Variants in MARCHF5 observed in about 807,000 individuals in gnomAD.
MARCHF5 encodes the protein E3 ubiquitin-protein ligase MARCHF5.
MARCHF5 carries 5 observed loss-of-function variants against 36.5 expected under a neutral mutation model. The ratio of observed to expected loss-of-function variants is 0.14; its 90% CI spans 0.07 to 0.29. The LOEUF (loss-of-function observed/expected upper bound fraction) is 0.29. Among genes scored for constraint, MARCHF5 ranks in the 10% least tolerant of loss-of-function variants. The pLI is 1.00. For synonymous variants in MARCHF5, 103 were observed against 109.9 expected, an observed-to-expected ratio of 0.94 and a Z score of 0.39; for missense variants, 179 against 336.3, an observed-to-expected ratio of 0.53 and a Z score of 3.66.
At chr10:92,349,632 G>A in intron 4 of MARCHF5, 39 bp from the exon 5 acceptor site, 4 of 1,603,922 alleles carry the variant, frequency 2.5e-6, no homozygotes, top group Non-Finnish European at 3.4e-6. Flanking sequence ...TAACTCTTCT[G>A]ATTTATTAGC....
In MARCHF5 at chr10:92,305,136, C is replaced by T. The variant is rs557263169; in HGVS notation, c.36-5999C>T. Among the ~76,000 whole-genome samples the T allele has an allele frequency of 2.6e-5, 4 of 152,270 alleles. No homozygotes were observed. The South Asian group carries it at 6.2e-4, about 24-fold the overall frequency. On this transcript the variant is annotated intron_variant, in intron 1 of 5. Transcript: ENST00000358935. ...TTAAGAATATTTACAGGGCCAGGCA[C>T]GATGGCTCACACCGGTAATCCCAGC... is the stretch of plus-strand genomic sequence containing the variant.
At chr10:92,293,796 G>A (rs988937876) in intron 1 of MARCHF5, among the ~76,000 whole-genome samples, 3 of 151,866 alleles carry the variant, frequency 2.0e-5, no homozygotes, top group African/African-American at 7.3e-5. Context: ...AAAAAAGCTA[G>A]TGAGGCATTT....
At chr10:92,298,067 A>G (rs1842968818) in intron 1 of MARCHF5, among the ~76,000 whole-genome samples, 1 of 152,160 alleles carries the variant, frequency 6.6e-6, no homozygotes, top group African/African-American at 2.4e-5. Flanking sequence ...GCATAGTGGC[A>G]CATACCTGTA....
intron 2 of MARCHF5, among the ~76,000 whole-genome samples, chr10:92,335,492 ATC>A (rs2135209322): frequency 6.6e-6 from 1 of 152,328 alleles, no homozygotes; most frequent in East Asian, 1.9e-4. Flanking sequence ...TATTAAGCTA[ATC>A]TTAGACTAGT....
intron 1 of MARCHF5, chr10:92,308,406 T>G (rs1402653414): frequency 2.0e-5 from 3 of 152,222 alleles, no homozygotes; most frequent in Non-Finnish European, 4.4e-5. Flanking sequence ...ACCTGTTTTA[T>G]CAGCAGTATC....
chr10:92,348,667 A>G (rs1564955360), intron 3 of MARCHF5, among the ~76,000 whole-genome samples: 1 of 152,156 alleles, frequency 6.6e-6, no homozygotes, highest in Admixed American at 6.5e-5. Flanking sequence ...AAAAGATTGT[A>G]TTAGCTTCAT....
At position 92,304,961 on chromosome 10, in the gene MARCHF5, C is replaced by T. The variant is rs555878667; in HGVS notation, c.36-6174C>T. Among the ~76,000 whole-genome samples the T allele has an allele frequency of 5.3e-5, 8 of 152,254 alleles. No individual in the cohort carries two copies. In the East Asian group the frequency reaches 9.7e-4, roughly 18 times the overall value. The stretch of plus-strand genomic sequence containing the variant: ...TTAACCAGCTAGAATATCCTGAATT[C>T]GCATTATCTTTTTCCCCAAATTAAT... On this transcript the variant is annotated intron_variant, in intron 1 of 5. Coordinates refer to ENST00000358935, the MANE Select transcript of MARCHF5 (RefSeq NM_017824.5).
intron 2 of MARCHF5, among the ~76,000 whole-genome samples, chr10:92,320,145 C>T (rs1843273659): frequency 6.6e-6 from 1 of 151,720 alleles, no homozygotes; most frequent in East Asian, 1.9e-4. Flanking sequence ...TCTTGAACTC[C>T]TGGGCTCAAG....
At position 92,340,848 on chromosome 10, in the gene MARCHF5, C is replaced by T. The variant is rs771420224; in HGVS notation, c.369+45C>T. The T allele has an allele frequency of 4.8e-6, 7 of 1,450,226 alleles. No individual in the cohort carries two copies. In the South Asian group the frequency reaches 1.0e-4, roughly 21 times the overall value. 89.8% of individuals were successfully genotyped at this position (1,450,226 alleles called of 1,614,324 possible). ...TAGTGATATTACTTGGTGTGAAGAT[C>T]TATTAAAACATTTTTTGTTAGACAT... On this transcript the variant is annotated intron_variant, in intron 3 of 5. Coordinates refer to ENST00000358935, the MANE Select transcript of MARCHF5 (RefSeq NM_017824.5).
chr10:92,314,042 A>G (rs1245220194), intron 2 of MARCHF5, among the ~76,000 whole-genome samples: 1 of 151,974 alleles, frequency 6.6e-6, no homozygotes, highest in Non-Finnish European at 1.5e-5. Context: ...AAAAAAGAAA[A>G]AGAAAAAGAA....
At chr10:92,296,421 G>T (rs990389738) in intron 1 of MARCHF5, among the ~76,000 whole-genome samples, 1 of 151,962 alleles carries the variant, frequency 6.6e-6, no homozygotes, top group African/African-American at 2.4e-5. Context: ...GTCTTTCATT[G>T]CTTCAATTCT....
intron 3 of MARCHF5, among the ~76,000 whole-genome samples, chr10:92,347,949 G>A (rs1346038672): frequency 1.3e-5 from 2 of 152,092 alleles, no homozygotes; most frequent in Non-Finnish European, 2.9e-5. Flanking sequence ...GTCGGAGGCC[G>A]AGGCGGGTGG....
intron 2 of MARCHF5, among the ~76,000 whole-genome samples, chr10:92,315,401 A>G (rs1306862861): frequency 6.6e-6 from 1 of 152,230 alleles, no homozygotes; most frequent in Non-Finnish European, 1.5e-5. Flanking sequence ...TTAATTTTGC[A>G]GCTGACAGTA....
At chr10:92,325,921 C>T (rs1014762828) in intron 2 of MARCHF5, among the ~76,000 whole-genome samples, 5 of 152,182 alleles carry the variant, frequency 3.3e-5, no homozygotes, top group Non-Finnish European at 5.9e-5. Flanking sequence ...TCCAGTGATC[C>T]GCCTGCCTTG....
chr10:92,321,722 T>C lies in MARCHF5; in HGVS notation c.238+10385T>C, dbSNP rs150449305. On this transcript the variant is annotated intron_variant, in intron 2 of 5. Coordinates refer to ENST00000358935, the MANE Select transcript of MARCHF5 (RefSeq NM_017824.5). ...TTAATTACTAATTCAATCTCATTAC[T>C]TACAGGTCTATTCAGATTTTCTATT... Among the ~76,000 whole-genome samples, 91 of 152,242 alleles carry C rather than the reference T, an allele frequency of 6.0e-4. 2 individuals carry two copies. The highest frequency in any genetic ancestry group is 6.8e-3 in the Middle Eastern group (2 of 294).
In MARCHF5 at chr10:92,346,181, T is replaced by C. The variant is rs369627385; in HGVS notation, c.370-3168T>C. Among the ~76,000 whole-genome samples the C allele has an allele frequency of 2.6e-4, 39 of 152,374 alleles. No homozygotes were observed. In the East Asian group the frequency reaches 3.1e-3, roughly 12 times the overall value. ...AAATCAGGCCTATTGCTTAATCACC[T>C]TTCATTTATTGCCCCTGAGTATGAC... is the stretch of plus-strand genomic sequence containing the variant. On this transcript the variant is annotated intron_variant, in intron 3 of 5. Transcript: ENST00000358935.
chr10:92,291,630 G>A, intron 1 of MARCHF5, 101 bp downstream of exon 1: 3 of 1,421,710 alleles, frequency 2.1e-6, no homozygotes, highest in Non-Finnish European at 2.7e-6. Flanking sequence ...CGGCGTGCCG[G>A]GAGGAGTTCC....
chr10:92,302,770 A>T (rs985349948), intron 1 of MARCHF5, among the ~76,000 whole-genome samples: 1 of 152,188 alleles, frequency 6.6e-6, no homozygotes, highest in African/African-American at 2.4e-5. Context: ...TCTTTGTCAA[A>T]TAGAGCCCTC....
At chr10:92,317,248 G>A (rs1305982678) in intron 2 of MARCHF5, among the ~76,000 whole-genome samples, 16 of 152,066 alleles carry the variant, frequency 1.1e-4, no homozygotes, top group Admixed American at 5.9e-4. Context: ...ACAGACATGC[G>A]CCAGCACGCC....
Sources: allele counts gnomAD v4.1 joint callset (sites outside exome capture counted in the v4.1 genomes callset), GRCh38; gene constraint gnomAD v4.1.1; transcripts MANE v1.5; gene names NCBI Gene and HGNC (gene_info 2026-07-23, HGNC 2026-07-21).